KLC1: variants seen among roughly 807,000 people sequenced by gnomAD.
The protein encoded by KLC1 is kinesin 2 60/70kDa.
In KLC1, 30 loss-of-function variants were observed where a neutral mutation model predicts 84.2. That is an observed-to-expected ratio of 0.36 (90% CI 0.27 to 0.48). The LOEUF is 0.48. Ranked by LOEUF, KLC1 falls within the 20% of genes least tolerant of loss-of-function variation. The probability of loss-of-function intolerance (pLI) is 0.99; values close to 1 mark genes in which losing one functional copy is unlikely to be tolerated. For missense variants in KLC1, 499 were observed against 805.4 expected, an observed-to-expected ratio of 0.62 and a Z score of 4.60; for synonymous variants, 289 against 293.3, an observed-to-expected ratio of 0.99 and a Z score of 0.15.
chr14:103,675,866 A>G (rs926356390), intron 11 of KLC1, 110 bp downstream of exon 11: 1 of 822,680 alleles, frequency 1.2e-6, no homozygotes, highest in African/African-American at 1.7e-5. Context: ...TTAAGTGCAC[A>G]GTCCCATGTT....
At chr14:103,637,366 C>T (rs926245782) in intron 1 of KLC1, among the ~76,000 whole-genome samples, 2 of 151,748 alleles carry the variant, frequency 1.3e-5, no homozygotes, top group African/African-American at 4.8e-5. Context: ...CCCGTCTCTA[C>T]TAAAATTACA....
intron 12 of KLC1, 156 bp from the exon 13 acceptor site, chr14:103,679,228 A>AC (rs1206946320): frequency 5.3e-6 from 5 of 942,544 alleles, no homozygotes; most frequent in Non-Finnish European, 7.8e-6. Flanking sequence ...CCCCGCCTCC[A>AC]CCCTCACCCC....
chr14:103,698,433 G>A (rs993526429), intron 15 of KLC1: 4 of 333,460 alleles, frequency 1.2e-5, no homozygotes, highest in African/African-American at 6.4e-5. Flanking sequence ...GGCCTCAGAC[G>A]CAACCCCAGT....
chr14:103,657,530 G>GT lies in KLC1; in HGVS notation c.262-13dup. On this transcript the variant is annotated splice_polypyrimidine_tract_variant and intron_variant, in intron 2 of 16. Coordinates refer to ENST00000334553, the MANE Select transcript of KLC1 (RefSeq NM_001394837.1). The stretch of plus-strand genomic sequence containing the variant: ...GACAACGTGCCACAGTGCTGCACAC[G>GT]TTTCTGTCTGCTCAGGTTATGATGG... The GT allele has an allele frequency of 6.2e-7, 1 of 1,607,348 alleles. No homozygotes were observed. Among genetic ancestry groups the GT allele is most frequent in the Non-Finnish European group, 8.5e-7 (1 of 1,174,074 alleles).
At chr14:103,685,496 G>T in intron 13 of KLC1, 1 of 1,262,348 alleles carries the variant, frequency 7.9e-7, no homozygotes, top group Non-Finnish European at 1.0e-6. Flanking sequence ...GCAGGCAGAA[G>T]GTCATCCCAG....
At chr14:103,640,663 T>A (rs919350170) in intron 1 of KLC1, among the ~76,000 whole-genome samples, 2 of 151,770 alleles carry the variant, frequency 1.3e-5, no homozygotes, top group Admixed American at 1.3e-4. Context: ...CCCGGCCCTG[T>A]GAATTCTTAA....
At chr14:103,676,473 C>G (rs1228930710) in intron 11 of KLC1, among the ~76,000 whole-genome samples, 1 of 152,124 alleles carries the variant, frequency 6.6e-6, no homozygotes, top group Non-Finnish European at 1.5e-5. Context: ...ACCGTGTTGG[C>G]CAGGCTGGTT....
chr14:103,665,878 T>TG (rs2079742453), intron 5 of KLC1, among the ~76,000 whole-genome samples: 1 of 152,194 alleles, frequency 6.6e-6, no homozygotes, highest in South Asian at 2.1e-4. Flanking sequence ...ACCCTGGAGG[T>TG]GGGGGGCTCT....
chr14:103,658,950 C>T (rs552656838), intron 3 of KLC1, among the ~76,000 whole-genome samples: 1 of 145,886 alleles, frequency 6.9e-6, no homozygotes, highest in East Asian at 2.1e-4. Flanking sequence ...AGCCACTGCG[C>T]CCAGCCAGTT....
intron 13 of KLC1, 88 bp from the exon 14 acceptor site, chr14:103,686,992 TG>T: frequency 9.5e-7 from 1 of 1,050,130 alleles, no homozygotes; most frequent in South Asian, 1.6e-5. Context: ...AGGGCGGCCT[TG>T]GTGGAGCTCT....
intron 16 of KLC1, 71 bp downstream of exon 16, chr14:103,700,798 C>CT: frequency 8.3e-7 from 1 of 1,211,386 alleles, no homozygotes; most frequent in East Asian, 2.5e-5. Context: ...CATGCAGGGA[C>CT]TGGGGGGAGC....
chr14:103,652,253 C>G (rs1037949864), intron 1 of KLC1, among the ~76,000 whole-genome samples: 23 of 152,148 alleles, frequency 1.5e-4, no homozygotes, highest in African/African-American at 4.8e-4. Flanking sequence ...ACATTTTAAT[C>G]TTGTTTGTTG....
intron 6 of KLC1, 75 bp downstream of exon 6, chr14:103,669,673 C>A: frequency 9.7e-7 from 1 of 1,031,390 alleles, no homozygotes; most frequent in Non-Finnish European, 1.5e-6. Flanking sequence ...ACTCATTTTA[C>A]CATTAAACTC....
chr14:103,630,805 C>T (rs1425931996), intron 1 of KLC1, among the ~76,000 whole-genome samples: 1 of 152,206 alleles, frequency 6.6e-6, no homozygotes, highest in Non-Finnish European at 1.5e-5. Context: ...AGGGTAGGCA[C>T]TCTAAAGAGC....
chr14:103,679,712 G>A, intron 13 of KLC1, 167 bp downstream of exon 13: 1 of 563,332 alleles, frequency 1.8e-6, no homozygotes, highest in Non-Finnish European at 3.2e-6. Context: ...TCTGTTATTT[G>A]TTTAAAGTGG....
chr14:103,694,753 A>AG lies in KLC1; in HGVS notation c.1848+2330dup, dbSNP rs1247882316. On this transcript the variant is annotated intron_variant, in intron 15 of 16. Coordinates refer to ENST00000334553, the MANE Select transcript of KLC1 (RefSeq NM_001394837.1). The surrounding 1 kb of genome is among the most constrained non-coding windows in gnomAD (Gnocchi z 4.5). ...AACAGGGTGGGTGGTGGCACAGCAG[A>AG]GGCTCACACTTGTCACCTTCAGCCT... 2.0e-6 allele frequency: 2 copies of AG among 985,382 alleles called. No homozygotes were observed. Among genetic ancestry groups the AG allele is most frequent in the East Asian group, 2.3e-4 (2 of 8,838 alleles). 61.0% of individuals were successfully genotyped at this position (985,382 alleles called of 1,614,324 possible).
chr14:103,656,104 T>C (rs1478880009), intron 2 of KLC1, among the ~76,000 whole-genome samples: 3 of 152,300 alleles, frequency 2.0e-5, no homozygotes, highest in Admixed American at 2.0e-4. Flanking sequence ...GGCCCTGTTC[T>C]AGCATAGGGG....
intron 1 of KLC1, among the ~76,000 whole-genome samples, chr14:103,630,396 A>G (rs1278464822): frequency 1.3e-5 from 2 of 152,226 alleles, no homozygotes; most frequent in Non-Finnish European, 2.9e-5. Flanking sequence ...TTACATATTA[A>G]GCGTTTGAAA....
chr14:103,650,958 A>T (rs1040107710), intron 1 of KLC1, among the ~76,000 whole-genome samples: 4 of 151,934 alleles, frequency 2.6e-5, no homozygotes, highest in African/African-American at 9.7e-5. Context: ...TTCTGCATCA[A>T]ACTTGAAAAA....
Sources: gnomAD v4.1 joint callset for allele counts (sites outside exome capture counted in the v4.1 genomes callset) on GRCh38, gnomAD v4.1.1 for gene constraint, Gnocchi (gnomAD v3.1) non-coding constraint, MANE v1.5 for transcripts, NCBI Gene and HGNC (gene_info 2026-07-23, HGNC 2026-07-21) for gene names.